The following CMBL variants were observed in gnomAD, a reference collection of about 807,000 sequenced individuals.
CMBL encodes carboxymethylenebutenolidase homolog.
CMBL carries 17 observed loss-of-function variants against 28.7 expected under a neutral mutation model. That is an observed-to-expected ratio of 0.59 (90% CI 0.41 to 0.89). CMBL has a LOEUF of 0.89. CMBL is among the 40% of genes least tolerant of loss of function. CMBL has a pLI of 0.00. For synonymous variants in CMBL, 106 were observed against 101.6 expected (o/e 1.04, Z -0.26); for missense variants, 310 against 298.5 (o/e 1.04, Z -0.28).
At chr5:10,296,248 T>C (rs982868390) in intron 1 of CMBL, among the ~76,000 whole-genome samples, 1 of 152,200 alleles carries the variant, frequency 6.6e-6, no homozygotes, top group African/African-American at 2.4e-5. Flanking sequence ...GTAGGGACTT[T>C]ACTACTACAA....
chr5:10,284,051 G>C (rs1378883762), intron 4 of CMBL, among the ~76,000 whole-genome samples: 1 of 152,216 alleles, frequency 6.6e-6, no homozygotes, highest in African/African-American at 2.4e-5. Context: ...AGGGAGCCAC[G>C]GGAAAGGTGA....
In CMBL at chr5:10,277,826, G is replaced by T. The variant is rs1746421504; in HGVS notation, c.*2627C>A. Among the ~76,000 whole-genome samples the T allele has an allele frequency of 6.6e-6, 1 of 152,232 alleles. No homozygotes were observed. Among genetic ancestry groups the T allele is most frequent in the South Asian group, 2.1e-4 (1 of 4,832 alleles). ...CAAAGGACTCAGCAGAGGGAAGGCT[G>T]CCCAGGCCCCAAGCTCACCATGAAG... On this transcript the variant is annotated 3_prime_UTR_variant, in exon 6 of 6. Coordinates refer to ENST00000296658, the MANE Select transcript of CMBL (RefSeq NM_138809.4).
chr5:10,306,657 G>A (rs1747006567), intron 1 of CMBL, among the ~76,000 whole-genome samples: 2 of 152,270 alleles, frequency 1.3e-5, no homozygotes, highest in Non-Finnish European at 2.9e-5. Flanking sequence ...TTTCAATCTT[G>A]CAGCAGGGAA....
intron 1 of CMBL, among the ~76,000 whole-genome samples, chr5:10,305,503 A>G (rs1746986703): frequency 6.6e-6 from 1 of 151,572 alleles, no homozygotes; most frequent in South Asian, 2.1e-4. Context: ...TCTGCCTAAC[A>G]CAAGCATGTC....
intron 1 of CMBL, among the ~76,000 whole-genome samples, chr5:10,294,493 G>T (rs1385524170): frequency 6.6e-6 from 1 of 152,112 alleles, no homozygotes; most frequent in Non-Finnish European, 1.5e-5. Context: ...GAGCCTGGGA[G>T]GTCGAGGCTG....
intron 1 of CMBL, among the ~76,000 whole-genome samples, chr5:10,306,843 C>A (rs986703504): frequency 6.6e-6 from 1 of 152,222 alleles, no homozygotes; most frequent in Non-Finnish European, 1.5e-5. Context: ...GACGCCCCTG[C>A]AGAATCTGCT....
At position 10,278,465 on chromosome 5, in the gene CMBL, C is replaced by T. The variant is rs977157064; in HGVS notation, c.*1988G>A. 2.6e-5 allele frequency among the ~76,000 whole-genome samples: 4 copies of T among 152,042 alleles called. No homozygotes were observed. Among genetic ancestry groups the T allele is most frequent in the Admixed American group, 6.6e-5 (1 of 15,256 alleles). On this transcript the variant is annotated 3_prime_UTR_variant, in exon 6 of 6. Transcript: ENST00000296658. The stretch of plus-strand genomic sequence containing the variant: ...CCCTCTCAGTCACAGCGTGAGTCCC[C>T]GGGGCTCATGCCTGCTTGCTCTAAA...
intron 2 of CMBL, chr5:10,290,284 A>C: frequency 1.5e-5 from 7 of 458,974 alleles, no homozygotes; most frequent in East Asian, 8.3e-5. Context: ...CCACACGGGA[A>C]AAGAATTCTC....
Position 10,286,433 on chromosome 5 carries a change from C to A in CMBL, c.387G>T (p.Val129=), listed in dbSNP as rs139472834. 6.8e-6 allele frequency: 11 copies of A among 1,613,990 alleles called. No individual in the cohort carries two copies. In the African/African-American group the frequency reaches 9.3e-5, roughly 14 times the overall value. ...QQCHAQKIGI[V]GFCWGGTAVH... Reference sequence around the variant, plus strand: ...CAGCAGTTCCACCCCAGCAGAATCCCACGATGCCAATTTTCTGGGCATGAC... The same window carrying A: ...CAGCAGTTCCACCCCAGCAGAATCCAACGATGCCAATTTTCTGGGCATGAC... The change falls in exon 4 of 6, where the codon GTG becomes GTT. Residue 129 remains valine (V), a synonymous_variant. Coordinates refer to ENST00000296658, the MANE Select transcript of CMBL (RefSeq NM_138809.4).
intron 1 of CMBL, among the ~76,000 whole-genome samples, chr5:10,293,661 T>C (rs1321081250): frequency 6.6e-6 from 1 of 152,222 alleles, no homozygotes; most frequent in Non-Finnish European, 1.5e-5. Context: ...ATGGTATTGC[T>C]GGATAGATGA....
chr5:10,298,837 C>G (rs1746848893), intron 1 of CMBL, among the ~76,000 whole-genome samples: 1 of 152,134 alleles, frequency 6.6e-6, no homozygotes, highest in Non-Finnish European at 1.5e-5. Flanking sequence ...AGGCTGCAGT[C>G]AGACGAGATC....
rs183300039 is a variant in CMBL, at chr5:10,303,957, A to G, written c.-20+3668T>C. Among the ~76,000 whole-genome samples, 11 of 152,296 alleles carry G rather than the reference A, an allele frequency of 7.2e-5. No individual in the cohort carries two copies. The East Asian group carries it at 1.9e-3, about 27-fold the overall frequency. On this transcript the variant is annotated intron_variant, in intron 1 of 5. Transcript: ENST00000296658. ...GTGTCCTCTGCTTCAGCTTTTAACA[A>G]CAGAGGGCCAAAAATACCACCCTTG... is the stretch of plus-strand genomic sequence containing the variant.
In CMBL at chr5:10,292,683, G is replaced by C. The variant is rs989697749; in HGVS notation, c.-19-1902C>G. On this transcript the variant is annotated intron_variant, in intron 1 of 5. Transcript: ENST00000296658. ...TACTAAAAATACAAAAGTTAGCCGG[G>C]TGTGGTGGCAGGCGCCTGTAGTCCC... 3.3e-5 allele frequency among the ~76,000 whole-genome samples: 5 copies of C among 152,170 alleles called. No homozygotes were observed. In the East Asian group the frequency reaches 9.7e-4, roughly 30 times the overall value.
chr5:10,285,700 C>CTTTTTT (rs34390937), intron 4 of CMBL, among the ~76,000 whole-genome samples: 1 of 133,704 alleles, frequency 7.5e-6, no homozygotes, highest in Non-Finnish European at 1.6e-5. Context: ...CTTTCTTTTT[C>CTTTTTT]TTTTTTTTTT....
Position 10,289,529 on chromosome 5 carries a change from G to A in CMBL, c.216-1000C>T, listed in dbSNP as rs74370358. ...CGCAAAGCGCTCTCTTTATGGCCTG[G>A]TTTCCTAATCTGCAAAATGAGAGCA... On this transcript the variant is annotated intron_variant, in intron 2 of 5. Transcript: ENST00000296658. This position sits in a 1 kb window ranked among gnomAD's most constrained non-coding sequence, Gnocchi z 4.3. Among the ~76,000 whole-genome samples the A allele has an allele frequency of 0.025, 3,799 of 152,280 alleles. 173 individuals carry two copies. Among genetic ancestry groups the A allele is most frequent in the African/African-American group, 0.087 (3,597 of 41,530 alleles).
intron 3 of CMBL, 66 bp downstream of exon 3, chr5:10,288,356 A>T: frequency 8.8e-7 from 1 of 1,132,102 alleles, no homozygotes; most frequent in Non-Finnish European, 1.3e-6. Context: ...CTGAAAGGTG[A>T]AGCCCACCCA....
chr5:10,300,658 C>T lies in CMBL; in HGVS notation c.-20+6967G>A, dbSNP rs563793084. Among the ~76,000 whole-genome samples, 7 of 151,842 alleles carry T rather than the reference C, an allele frequency of 4.6e-5. No homozygotes were observed. The South Asian group carries it at 1.0e-3, about 23-fold the overall frequency. ...CTACAAAAAAATTTTTTTAATTAGC[C>T]GGGCATGGTGGCATGCACCTGTAGT... On this transcript the variant is annotated intron_variant, in intron 1 of 5. Coordinates refer to ENST00000296658, the MANE Select transcript of CMBL (RefSeq NM_138809.4).
chr5:10,299,356 A>C (rs1746856319), intron 1 of CMBL, among the ~76,000 whole-genome samples: 1 of 152,240 alleles, frequency 6.6e-6, no homozygotes, highest in Admixed American at 6.5e-5. Context: ...TAATAAAAAC[A>C]AGAATGAAAT....
chr5:10,284,914 A>G lies in CMBL; in HGVS notation c.466+1440T>C, dbSNP rs140643727. Among the ~76,000 whole-genome samples the G allele has an allele frequency of 1.4e-3, 216 of 152,264 alleles. 2 individuals carry two copies. Among genetic ancestry groups the G allele is most frequent in the African/African-American group, 5.1e-3 (210 of 41,550 alleles). On this transcript the variant is annotated intron_variant, in intron 4 of 5. Transcript: ENST00000296658. ...AGATATAATGTTATTTCATTGCTGT[A>G]GTAACTTTGGTTTGTTTTGGCCAAA... is the stretch of plus-strand genomic sequence containing the variant.
Sources: allele counts gnomAD v4.1 joint callset (sites outside exome capture counted in the v4.1 genomes callset), GRCh38; gene constraint gnomAD v4.1.1; non-coding constraint Gnocchi (gnomAD v3.1); transcripts MANE v1.5; gene names NCBI Gene and HGNC (gene_info 2026-07-23, HGNC 2026-07-21).